TMC1: variants seen among roughly 807,000 people sequenced by gnomAD.
TMC1 encodes the protein transmembrane channel like 1.
TMC1 carries 84 observed loss-of-function variants against 105.8 expected under a neutral mutation model. The ratio of observed to expected loss-of-function variants is 0.79; its 90% CI spans 0.67 to 0.95. The LOEUF (loss-of-function observed/expected upper bound fraction) is 0.95. Ranked by LOEUF, TMC1 falls within the 40% of genes least tolerant of loss-of-function variation. The probability of loss-of-function intolerance (pLI) is 0.00; values close to 1 mark genes in which losing one functional copy is unlikely to be tolerated. For missense variants in TMC1, 817 were observed against 914.1 expected (o/e 0.89, Z 1.37); for synonymous variants, 315 against 311.5 (o/e 1.01, Z -0.12).
rs1225857426 is a variant in TMC1 at position 72,588,855 on chromosome 9, G to A, written c.-306+10832G>A. Among the ~76,000 whole-genome samples the A allele has an allele frequency of 6.0e-5, 9 of 149,518 alleles. No individual in the cohort carries two copies. In the Admixed American group the frequency reaches 6.1e-4, roughly 10 times the overall value. ...CAATGGCGTGATCTCGGCTCACCAC[G>A]ACCTCTGCCTCCTGGGTTCAAGTGA... On this transcript the variant is annotated intron_variant, in intron 2 of 23. Coordinates refer to ENST00000297784, the MANE Select transcript of TMC1 (RefSeq NM_138691.3).
rs776867976 is a variant in TMC1, at chr9:72,628,020, C to T, written c.-96C>T. ...GAGCCTGTGGGGAAGGAACTGTCCA[C>T]GTGGAGTGGTCTGGTGAATGCTTAA... On this transcript the variant is annotated 5_prime_UTR_variant, in exon 4 of 24. It adds an upstream start codon to the 5' untranslated region. Transcript: ENST00000297784. The T allele has an allele frequency of 4.0e-5, 18 of 455,432 alleles. No individual in the cohort carries two copies. The East Asian group carries it at 8.3e-4, about 21-fold the overall frequency. The allele number at this position is 455,432 out of a possible 1,614,324, so 28.2% of individuals were successfully genotyped here.
chr9:72,763,492 G>C (rs1161593506), intron 12 of TMC1, among the ~76,000 whole-genome samples: 1 of 152,180 alleles, frequency 6.6e-6, no homozygotes, highest in Non-Finnish European at 1.5e-5. Flanking sequence ...ATGTGGTTTA[G>C]GAGCTAAAGG....
intron 21 of TMC1, among the ~76,000 whole-genome samples, chr9:72,830,247 A>G (rs1156683177): frequency 6.6e-6 from 1 of 152,196 alleles, no homozygotes; most frequent in Non-Finnish European, 1.5e-5. Context: ...ACTTCACCCC[A>G]GCTTCATCCC....
chr9:72,791,565 A>G (rs1448598850), intron 15 of TMC1, among the ~76,000 whole-genome samples: 1 of 152,180 alleles, frequency 6.6e-6, no homozygotes, highest in Non-Finnish European at 1.5e-5. Flanking sequence ...GTGCATCACC[A>G]TATCAGAATC....
chr9:72,780,681 C>A (rs1189555597), intron 13 of TMC1, among the ~76,000 whole-genome samples: 2 of 151,984 alleles, frequency 1.3e-5, no homozygotes, highest in East Asian at 1.9e-4. Flanking sequence ...TTATTTTAAA[C>A]CAAACAGACT....
At chr9:72,544,905 T>C (rs1823739246) in intron 1 of TMC1, among the ~76,000 whole-genome samples, 1 of 151,882 alleles carries the variant, frequency 6.6e-6, no homozygotes, top group Non-Finnish European at 1.5e-5. Flanking sequence ...CAGCGTACAC[T>C]CTACCCAATG....
chr9:72,531,171 C>T (rs1823493845), intron 1 of TMC1, among the ~76,000 whole-genome samples: 1 of 152,126 alleles, frequency 6.6e-6, no homozygotes, highest in South Asian at 2.1e-4. Context: ...GTTTTACCTA[C>T]TTAAACATAG....
At chr9:72,697,445 C>T (rs1826569565) in intron 7 of TMC1, among the ~76,000 whole-genome samples, 1 of 152,054 alleles carries the variant, frequency 6.6e-6, no homozygotes, top group Non-Finnish European at 1.5e-5. Context: ...AACAAAGTAG[C>T]TTGGAGTCTC....
intron 10 of TMC1, among the ~76,000 whole-genome samples, chr9:72,743,368 C>CAAAAAAAAA (rs57505302): frequency 2.7e-5 from 3 of 110,170 alleles, no homozygotes; most frequent in Non-Finnish European, 4.2e-5. Context: ...CTCCGTCTCA[C>CAAAAAAAAA]AAAAAAAAAA....
At chr9:72,771,243 T>C (rs1245930650) in intron 12 of TMC1, among the ~76,000 whole-genome samples, 1 of 152,176 alleles carries the variant, frequency 6.6e-6, no homozygotes, top group Non-Finnish European at 1.5e-5. Flanking sequence ...TCTTAAAGAG[T>C]ACAATATTTA....
chr9:72,721,560 C>T lies in TMC1; in HGVS notation c.363-18559C>T, dbSNP rs7020258. 3.7e-3 allele frequency among the ~76,000 whole-genome samples: 558 copies of T among 152,216 alleles called. 6 individuals are homozygous for T. Among genetic ancestry groups the T allele is most frequent in the African/African-American group, 0.013 (533 of 41,530 alleles). ...GGAGACTGTCTCAATTAAAAACTTA[C>T]GAGGGTTCAGAAAAATTATAATTTC... On this transcript the variant is annotated intron_variant, in intron 8 of 23. Transcript: ENST00000297784.
At position 72,571,455 on chromosome 9, in the gene TMC1, T is replaced by G. The variant is rs111501064; in HGVS notation, c.-427-6447T>G. On this transcript the variant is annotated intron_variant, in intron 1 of 23. Coordinates refer to ENST00000297784, the MANE Select transcript of TMC1 (RefSeq NM_138691.3). ...ATCAACCTCACGCTTTTTTTTTTTT[T>G]CTTTTTTTTTGAGGTGGAGTCTCGC... Among the ~76,000 whole-genome samples, 252 of 138,646 alleles carry G rather than the reference T, an allele frequency of 1.8e-3. 2 individuals carry two copies. Among genetic ancestry groups the G allele is most frequent in the African/African-American group, 6.8e-3 (245 of 35,948 alleles). The allele number at this position is 138,646 out of a possible 152,430, so 91.0% of individuals were successfully genotyped here.
At chr9:72,740,785 T>C (rs368210080) in intron 9 of TMC1, among the ~76,000 whole-genome samples, 30 of 152,318 alleles carry the variant, frequency 2.0e-4, no homozygotes, top group African/African-American at 6.7e-4. Context: ...ACAAATGTTA[T>C]ACCAACTGTA....
At chr9:72,748,459 G>T (rs1487785009) in intron 10 of TMC1, among the ~76,000 whole-genome samples, 1 of 152,074 alleles carries the variant, frequency 6.6e-6, no homozygotes, top group Admixed American at 6.6e-5. Context: ...AAGTTCTAGT[G>T]GCAGCATAAT....
chr9:72,603,839 C>T (rs1350739250), intron 2 of TMC1, among the ~76,000 whole-genome samples: 2 of 137,090 alleles, frequency 1.5e-5, no homozygotes, highest in East Asian at 4.4e-4. Context: ...TGAGCCACTG[C>T]GACCGGCTGT....
chr9:72,702,198 A>G (rs1008957287), intron 8 of TMC1, among the ~76,000 whole-genome samples: 3 of 152,198 alleles, frequency 2.0e-5, no homozygotes, highest in Admixed American at 1.3e-4. Flanking sequence ...AAAGTTTAAA[A>G]TTGGAGCAAT....
intron 2 of TMC1, among the ~76,000 whole-genome samples, chr9:72,596,134 C>A (rs1303635766): frequency 6.6e-6 from 1 of 152,166 alleles, no homozygotes; most frequent in Non-Finnish European, 1.5e-5. Flanking sequence ...CTCAGCCTCC[C>A]AAAGTGCTGG....
chr9:72,672,847 C>CAG (rs1276843132), intron 5 of TMC1, among the ~76,000 whole-genome samples: 2 of 150,836 alleles, frequency 1.3e-5, no homozygotes, highest in African/African-American at 4.9e-5. Flanking sequence ...CACACACACA[C>CAG]ACACACACAC....
chr9:72,757,228 A>C (rs1296585611), intron 12 of TMC1, among the ~76,000 whole-genome samples: 1 of 152,218 alleles, frequency 6.6e-6, no homozygotes, highest in East Asian at 1.9e-4. Context: ...TAGTGATTTT[A>C]ATAGCTGTAT....
Sources: gnomAD v4.1 joint callset for allele counts (sites outside exome capture counted in the v4.1 genomes callset) on GRCh38, gnomAD v4.1.1 for gene constraint, MANE v1.5 for transcripts, NCBI Gene and HGNC (gene_info 2026-07-23, HGNC 2026-07-21) for gene names.